The following MTHFS variants were observed in gnomAD, a reference collection of about 807,000 sequenced individuals.
The protein encoded by MTHFS is methenyltetrahydrofolate synthetase.
MTHFS carries 7 observed loss-of-function variants against 12.7 expected under a neutral mutation model. That is an observed-to-expected ratio of 0.55 (90% confidence interval 0.31 to 1.03). MTHFS has a LOEUF of 1.03. Among genes scored for constraint, MTHFS ranks in the 50% least tolerant of loss-of-function variants. MTHFS has a pLI of 0.05. For missense variants in MTHFS, 252 were observed against 258.1 expected (o/e 0.98, Z 0.16); for synonymous variants, 100 against 97.1 (o/e 1.03, Z -0.18).
intron 2 of MTHFS, among the ~76,000 whole-genome samples, chr15:79,871,623 T>A (rs996449884): frequency 1.3e-5 from 2 of 151,454 alleles, no homozygotes; most frequent in Admixed American, 6.6e-5. Flanking sequence ...TTTTGCTGAA[T>A]AAAAAAATTA....
intron 2 of MTHFS, among the ~76,000 whole-genome samples, chr15:79,854,432 G>A (rs2033766516): frequency 6.6e-6 from 1 of 152,194 alleles, no homozygotes; most frequent in Admixed American, 6.5e-5. Flanking sequence ...ACACCCTGCA[G>A]CCTCTGGTCT....
At chr15:79,866,191 A>T (rs2034008046) in intron 2 of MTHFS, among the ~76,000 whole-genome samples, 1 of 152,190 alleles carries the variant, frequency 6.6e-6, no homozygotes, top group South Asian at 2.1e-4. Context: ...GAATAAAAGG[A>T]TCTGTGTTTT....
At position 79,864,460 on chromosome 15, in the gene MTHFS, G is replaced by A. The variant is rs1420058449; in HGVS notation, c.380-19018C>T. Among the ~76,000 whole-genome samples the A allele has an allele frequency of 3.5e-5, 5 of 144,400 alleles. No homozygotes were observed. The East Asian group carries it at 8.4e-4, about 24-fold the overall frequency. The allele number at this position is 144,400 out of a possible 152,430, so 94.7% of individuals were successfully genotyped here. On this transcript the variant is annotated intron_variant, in intron 2 of 2. Transcript: ENST00000258874. ...CTCAGGAGGCTGAGGCAGGAGAATC[G>A]CTTGAACCCGGGAGGTGGAGGGTGC...
At position 79,847,260 on chromosome 15, in the gene MTHFS, A is replaced by G. The variant is rs114170673; in HGVS notation, c.380-1818T>C. Among the ~76,000 whole-genome samples, 471 of 152,244 alleles carry G rather than the reference A, an allele frequency of 3.1e-3. 1 individual carries two copies. The highest frequency in any genetic ancestry group is 0.011 in the African/African-American group (445 of 41,538). Reference sequence around the variant, plus strand: ...TTTACTCGCTTGGACAGAAGGATCAACCTGAGGAGTAGCAGAAGACATGAG... The same window carrying G: ...TTTACTCGCTTGGACAGAAGGATCAGCCTGAGGAGTAGCAGAAGACATGAG... On this transcript the variant is annotated intron_variant, in intron 2 of 2. Transcript: ENST00000258874.
upstream of MTHFS, chr15:79,897,203 T>A: frequency 2.2e-6 from 1 of 459,274 alleles, no homozygotes; most frequent in Non-Finnish European, 3.7e-6. Context: ...GCGGTCCCCG[T>A]GGTCCGGCTC....
At chr15:79,849,202 C>T (rs1425798583) in intron 2 of MTHFS, among the ~76,000 whole-genome samples, 6 of 152,156 alleles carry the variant, frequency 3.9e-5, no homozygotes, top group African/African-American at 1.4e-4. Flanking sequence ...CCTTCAACCA[C>T]GGGGATCACA....
intron 2 of MTHFS, among the ~76,000 whole-genome samples, chr15:79,885,775 C>T (rs1191560710): frequency 1.3e-5 from 2 of 152,218 alleles, no homozygotes; most frequent in Non-Finnish European, 2.9e-5. Flanking sequence ...GCCATGGAAC[C>T]TAGAGCTGCT....
intron 2 of MTHFS, among the ~76,000 whole-genome samples, chr15:79,883,639 C>T (rs1365055381): frequency 1.3e-5 from 2 of 152,166 alleles, no homozygotes; most frequent in African/African-American, 2.4e-5. Flanking sequence ...TAATAACTGC[C>T]ATGTATTGAT....
At chr15:79,892,188 A>G (rs2034486472) in intron 1 of MTHFS, among the ~76,000 whole-genome samples, 1 of 152,132 alleles carries the variant, frequency 6.6e-6, no homozygotes, top group Non-Finnish European at 1.5e-5. Flanking sequence ...CTCTAATAAG[A>G]TGAAGGGAAA....
At chr15:79,884,798 C>A (rs976012824) in intron 2 of MTHFS, among the ~76,000 whole-genome samples, 1 of 152,100 alleles carries the variant, frequency 6.6e-6, no homozygotes, top group African/African-American at 2.4e-5. Flanking sequence ...GCTAAAAGTT[C>A]AATAAAAAGT....
rs1596063441 is a variant in MTHFS, at chr15:79,854,469, C to T, written c.380-9027G>A. ...CATTGCTGCCTGCTGATGTAGTCCA[C>T]AGAGGCTGGTCTTCCTTGCCACTAA... On this transcript the variant is annotated intron_variant, in intron 2 of 2. Coordinates refer to ENST00000258874, the MANE Select transcript of MTHFS (RefSeq NM_006441.4). 2.0e-5 allele frequency among the ~76,000 whole-genome samples: 3 copies of T among 152,312 alleles called. No individual in the cohort carries two copies. The East Asian group carries it at 5.8e-4, about 29-fold the overall frequency.
chr15:79,853,876 A>T (rs2033756547), intron 2 of MTHFS, among the ~76,000 whole-genome samples: 2 of 152,266 alleles, frequency 1.3e-5, no homozygotes, highest in Non-Finnish European at 2.9e-5. Flanking sequence ...TTACAAACCA[A>T]GAAAAATGAA....
At chr15:79,851,512 A>G (rs2033716236) in intron 2 of MTHFS, among the ~76,000 whole-genome samples, 1 of 152,202 alleles carries the variant, frequency 6.6e-6, no homozygotes, top group Non-Finnish European at 1.5e-5. Flanking sequence ...CTTCTAGAAG[A>G]GAAGGAGAGC....
intron 2 of MTHFS, among the ~76,000 whole-genome samples, chr15:79,869,297 G>C (rs912549648): frequency 6.6e-6 from 1 of 152,158 alleles, no homozygotes; most frequent in Non-Finnish European, 1.5e-5. Flanking sequence ...TGAAGAATCA[G>C]TGCAAATATT....
At chr15:79,859,731 T>C (rs1385440080) in intron 2 of MTHFS, among the ~76,000 whole-genome samples, 3 of 150,806 alleles carry the variant, frequency 2.0e-5, no homozygotes, top group Admixed American at 1.3e-4. Context: ...GGCAGAAGAA[T>C]TGCTTGAACC....
chr15:79,870,821 C>T (rs1473948415), intron 2 of MTHFS, among the ~76,000 whole-genome samples: 1 of 152,122 alleles, frequency 6.6e-6, no homozygotes, highest in Non-Finnish European at 1.5e-5. Flanking sequence ...ATTTTAAACA[C>T]CAGTTTATGT....
chr15:79,851,111 G>A (rs1247330685), intron 2 of MTHFS, among the ~76,000 whole-genome samples: 3 of 152,230 alleles, frequency 2.0e-5, no homozygotes, highest in East Asian at 3.9e-4. Context: ...TTGCTCCTGC[G>A]ACATTGTTTT....
At chr15:79,874,073 G>A (rs1352754876) in intron 2 of MTHFS, among the ~76,000 whole-genome samples, 1 of 152,180 alleles carries the variant, frequency 6.6e-6, no homozygotes, top group African/African-American at 2.4e-5. Context: ...AGATCAATCA[G>A]TGGAGCTTCA....
chr15:79,850,006 T>C (rs1596060943), intron 2 of MTHFS, among the ~76,000 whole-genome samples: 1 of 152,256 alleles, frequency 6.6e-6, no homozygotes, highest in East Asian at 1.9e-4. Context: ...ATTAGGGGCA[T>C]GGGCCCTCAG....
Sources: allele counts gnomAD v4.1 joint callset (sites outside exome capture counted in the v4.1 genomes callset), GRCh38; gene constraint gnomAD v4.1.1; transcripts MANE v1.5; gene names NCBI Gene and HGNC (gene_info 2026-07-23, HGNC 2026-07-21).